The following PDZRN4 variants were observed in gnomAD, a reference collection of about 807,000 sequenced individuals.
PDZRN4 encodes the protein PDZ domain-containing RING finger protein 4.
Under a neutral mutation model 99.0 loss-of-function variants are expected in PDZRN4, and 70 were observed. The ratio of observed to expected loss-of-function variants is 0.71; its 90% CI spans 0.58 to 0.86. The LOEUF (loss-of-function observed/expected upper bound fraction) is 0.86. Ranked by LOEUF, PDZRN4 falls within the 40% of genes least tolerant of loss-of-function variation. PDZRN4 has a pLI of 0.00. For missense variants in PDZRN4, 1,474 were observed against 1,331.2 expected (o/e 1.11, Z -1.67); for synonymous variants, 551 against 501.6 (o/e 1.10, Z -1.32).
intron 3 of PDZRN4, among the ~76,000 whole-genome samples, chr12:41,201,195 C>T (rs1950813943): frequency 6.8e-6 from 1 of 146,960 alleles, no homozygotes; most frequent in African/African-American, 2.5e-5. Context: ...ACTATCGTTT[C>T]GTGAAACTCC....
At chr12:41,275,273 G>C (rs540596972) in intron 3 of PDZRN4, among the ~76,000 whole-genome samples, 1 of 152,036 alleles carries the variant, frequency 6.6e-6, no homozygotes, top group Non-Finnish European at 1.5e-5. Context: ...TATAAAATTA[G>C]CATTCTTCCC....
At chr12:41,391,456 A>G (rs1200936454) in intron 3 of PDZRN4, among the ~76,000 whole-genome samples, 3 of 152,174 alleles carry the variant, frequency 2.0e-5, no homozygotes, top group Admixed American at 6.6e-5. Context: ...TAACCAACAC[A>G]TGACAAGGTG....
At chr12:41,197,301 C>T (rs1318244501) in intron 3 of PDZRN4, among the ~76,000 whole-genome samples, 1 of 151,990 alleles carries the variant, frequency 6.6e-6, no homozygotes, top group Non-Finnish European at 1.5e-5. Context: ...AGTTTTGCCA[C>T]AGTTCAACAA....
chr12:41,312,385 G>C (rs917092518), intron 3 of PDZRN4, among the ~76,000 whole-genome samples: 1 of 152,092 alleles, frequency 6.6e-6, no homozygotes, highest in Admixed American at 6.6e-5. Context: ...ATAAATCCAG[G>C]TCTTGTAGTA....
intron 3 of PDZRN4, among the ~76,000 whole-genome samples, chr12:41,430,561 G>T (rs943478580): frequency 1.3e-5 from 2 of 152,030 alleles, no homozygotes; most frequent in African/African-American, 4.8e-5. Flanking sequence ...AGGGGTGTGT[G>T]TGTGTGCATG....
intron 3 of PDZRN4, among the ~76,000 whole-genome samples, chr12:41,483,837 C>A (rs2120607201): frequency 6.6e-6 from 1 of 152,254 alleles, no homozygotes; most frequent in African/African-American, 2.4e-5. Context: ...AGTAGAAATT[C>A]TCTTTGGCTC....
intron 3 of PDZRN4, among the ~76,000 whole-genome samples, chr12:41,398,586 G>A (rs1297908650): frequency 3.3e-5 from 5 of 152,142 alleles, no homozygotes; most frequent in Admixed American, 1.3e-4. Flanking sequence ...GAATTATAAT[G>A]ACTTACAAAT....
chr12:41,506,426 G>T lies in PDZRN4; in HGVS notation c.844-30G>T, dbSNP rs756952245. 2.5e-5 allele frequency: 39 copies of T among 1,570,762 alleles called. 1 individual carries two copies. Among genetic ancestry groups the T allele is most frequent in the Non-Finnish European group, 3.4e-5 (39 of 1,156,142 alleles). On this transcript the variant is annotated intron_variant, in intron 3 of 9. Coordinates refer to ENST00000402685, the MANE Select transcript of PDZRN4 (RefSeq NM_001164595.2). ...TGACAGCCTCTCTGATCTTTCCTCT[G>T]AGATGAACAATGTCCTTATATGTTT...
At chr12:41,280,621 C>T (rs1275989849) in intron 3 of PDZRN4, among the ~76,000 whole-genome samples, 3 of 152,148 alleles carry the variant, frequency 2.0e-5, no homozygotes. Flanking sequence ...GTGGAGCCCA[C>T]CGCAGCTCAG....
rs1049981065 is a variant in PDZRN4, at chr12:41,454,039, G to A, written c.844-52417G>A. Among the ~76,000 whole-genome samples the A allele has an allele frequency of 4.0e-4, 43 of 108,632 alleles. 2 individuals carry two copies. Among genetic ancestry groups the A allele is most frequent in the Non-Finnish European group, 5.7e-5 (3 of 52,192 alleles). 71.3% of individuals were successfully genotyped at this position (108,632 alleles called of 152,430 possible). On this transcript the variant is annotated intron_variant, in intron 3 of 9. Transcript: ENST00000402685. ...AATTAAATCAGATGCCTTCGTGTCA[G>A]GTTTTTTTTCTTCTGATGAGCTATC...
At position 41,290,277 on chromosome 12, in the gene PDZRN4, A is replaced by G. The variant is rs1951449651; in HGVS notation, c.843+96089A>G. ...CAAAGCAAAATATCAAATATGTTTAATAGGGAATTTTATACCTCATTGAGT... is the reference window on the plus strand; with the variant it reads ...CAAAGCAAAATATCAAATATGTTTAGTAGGGAATTTTATACCTCATTGAGT... On this transcript the variant is annotated intron_variant, in intron 3 of 9. Transcript: ENST00000402685. Among the ~76,000 whole-genome samples the G allele has an allele frequency of 2.6e-5, 4 of 152,342 alleles. No homozygotes were observed. In the South Asian group the frequency reaches 8.3e-4, roughly 32 times the overall value.
chr12:41,520,625 C>T (rs908699703), intron 5 of PDZRN4, among the ~76,000 whole-genome samples: 4 of 83,356 alleles, frequency 4.8e-5, no homozygotes, highest in African/African-American at 2.2e-4. Context: ...TACAGACACA[C>T]ACACACACAC....
At chr12:41,388,727 G>A (rs544918507) in intron 3 of PDZRN4, among the ~76,000 whole-genome samples, 7 of 152,062 alleles carry the variant, frequency 4.6e-5, no homozygotes, top group Admixed American at 6.6e-5. Context: ...GTGTAGGAGA[G>A]AGAAAAAAAG....
intron 3 of PDZRN4, among the ~76,000 whole-genome samples, chr12:41,442,890 T>G (rs928132951): frequency 6.6e-6 from 1 of 152,118 alleles, no homozygotes; most frequent in African/African-American, 2.4e-5. Flanking sequence ...TAGCAAGTCC[T>G]CAGAATGGCT....
intron 3 of PDZRN4, among the ~76,000 whole-genome samples, chr12:41,421,793 A>G (rs895890482): frequency 1.3e-5 from 2 of 152,172 alleles, no homozygotes; most frequent in Non-Finnish European, 2.9e-5. Context: ...TCTGCTAAAT[A>G]TATCCCATCT....
chr12:41,468,045 A>G (rs1952945744), intron 3 of PDZRN4, among the ~76,000 whole-genome samples: 2 of 152,220 alleles, frequency 1.3e-5, no homozygotes, highest in South Asian at 4.1e-4. Flanking sequence ...GATGACAAAA[A>G]GAAACCCCAT....
intron 3 of PDZRN4, among the ~76,000 whole-genome samples, chr12:41,255,839 G>C (rs1160077388): frequency 6.6e-6 from 1 of 152,178 alleles, no homozygotes; most frequent in East Asian, 1.9e-4. Context: ...GCAAGGGGCA[G>C]AGCCAAGCTC....
chr12:41,280,794 G>A (rs1951379262), intron 3 of PDZRN4, among the ~76,000 whole-genome samples: 1 of 152,158 alleles, frequency 6.6e-6, no homozygotes, highest in African/African-American at 2.4e-5. Context: ...AGCTTCAGCA[G>A]ACTTAAACGT....
chr12:41,309,427 TTTATAAGAAACCCTTATAAA>T (rs1177242577), intron 3 of PDZRN4, among the ~76,000 whole-genome samples: 1 of 152,064 alleles, frequency 6.6e-6, no homozygotes, highest in East Asian at 1.9e-4. Context: ...AACTTGTCCT[TTTATAAGAAACCCTTATAAA>T]GTCTGAGATA....
Sources: allele counts gnomAD v4.1 joint callset (sites outside exome capture counted in the v4.1 genomes callset), GRCh38; gene constraint gnomAD v4.1.1; transcripts MANE v1.5; gene names NCBI Gene and HGNC (gene_info 2026-07-23, HGNC 2026-07-21).